The following CDC14A variants were observed in gnomAD, a reference collection of about 807,000 sequenced individuals.
The protein encoded by CDC14A is dual specificity protein phosphatase CDC14A.
In CDC14A, 53 loss-of-function variants were observed where a neutral mutation model predicts 74.4. That is an observed-to-expected ratio of 0.71 (90% confidence interval 0.57 to 0.89). The LOEUF is 0.89. CDC14A is among the 40% of genes least tolerant of loss of function. The pLI, the probability that CDC14A is intolerant of heterozygous loss-of-function variation, is 0.00. For synonymous variants in CDC14A, 247 were observed against 258.4 expected, an observed-to-expected ratio of 0.96 and a Z score of 0.43; for missense variants, 646 against 713.7, an observed-to-expected ratio of 0.91 and a Z score of 1.08.
At chr1:100,507,520 G>A (rs564839395) in intron 15 of CDC14A, among the ~76,000 whole-genome samples, 2 of 151,216 alleles carry the variant, frequency 1.3e-5, no homozygotes, top group Admixed American at 6.6e-5. Flanking sequence ...GGTTGGTCTC[G>A]AATTCCTGGC....
intron 11 of CDC14A, among the ~76,000 whole-genome samples, chr1:100,486,170 C>T (rs922697669): frequency 2.6e-5 from 4 of 152,158 alleles, no homozygotes; most frequent in African/African-American, 4.8e-5. Flanking sequence ...TCTGAAAAGA[C>T]AAACATAAAG....
At chr1:100,450,415 T>C (rs979320297) in intron 7 of CDC14A, among the ~76,000 whole-genome samples, 3 of 152,200 alleles carry the variant, frequency 2.0e-5, no homozygotes, top group Admixed American at 2.0e-4. Context: ...ATTATGGAAC[T>C]GGAAATAATG....
chr1:100,499,372 C>G lies in CDC14A; in HGVS notation c.1755+110C>G, dbSNP rs188557928. ...AAGAAATTTAATAGTGCCAAGGAAG[C>G]CTTCTGAGCGATGCCTTCCCTCTGT... On this transcript the variant is annotated intron_variant, in intron 15 of 15. Transcript: ENST00000336454. 2.3e-4 allele frequency: 373 copies of G among 1,609,034 alleles called. 3 individuals carry two copies. The East Asian group carries it at 7.8e-3, about 34-fold the overall frequency.
chr1:100,352,610 A>C lies in CDC14A; in HGVS notation c.-345A>C. 1 of 1,148,184 alleles carries C rather than the reference A, an allele frequency of 8.7e-7. No individual in the cohort carries two copies. Among genetic ancestry groups the C allele is most frequent in the Non-Finnish European group, 1.1e-6 (1 of 932,180 alleles). The allele number at this position is 1,148,184 out of a possible 1,614,324, so 71.1% of individuals were successfully genotyped here. A position where few individuals can be genotyped will look rare whatever the true frequency, so the allele number is the denominator to read the frequency against. ...GTCTCCTCCTCCATGATCACTTTGG[A>C]AGCCGGGGGAAGACTTTGCCCTGCC... On this transcript the variant is annotated 5_prime_UTR_variant, in exon 1 of 16. Coordinates refer to ENST00000336454, the MANE Select transcript of CDC14A (RefSeq NM_003672.4).
intron 2 of CDC14A, among the ~76,000 whole-genome samples, chr1:100,361,024 G>A (rs1652679462): frequency 6.6e-6 from 1 of 151,276 alleles, no homozygotes; most frequent in South Asian, 2.1e-4. Context: ...GTTCTCATTT[G>A]TAAGTTCATA....
At chr1:100,444,042 G>A (rs990870931) in intron 7 of CDC14A, among the ~76,000 whole-genome samples, 27 of 152,176 alleles carry the variant, frequency 1.8e-4, no homozygotes, top group Non-Finnish European at 4.0e-4. Context: ...CTGTTTCCAT[G>A]TTAAATGCAA....
intron 4 of CDC14A, among the ~76,000 whole-genome samples, chr1:100,405,688 G>A (rs1021228525): frequency 5.9e-5 from 9 of 152,182 alleles, no homozygotes; most frequent in African/African-American, 2.2e-4. Context: ...CTCCATTTAT[G>A]TCCCTGCAAA....
intron 3 of CDC14A, among the ~76,000 whole-genome samples, chr1:100,389,592 A>G (rs1164646017): frequency 6.6e-6 from 1 of 152,032 alleles, no homozygotes; most frequent in African/African-American, 2.4e-5. Flanking sequence ...AGAGTGTTGC[A>G]GTTTCATCTT....
intron 7 of CDC14A, among the ~76,000 whole-genome samples, chr1:100,451,396 C>T (rs1324318543): frequency 6.6e-6 from 1 of 152,224 alleles, no homozygotes; most frequent in Non-Finnish European, 1.5e-5. Context: ...TGCTCCACCA[C>T]ACCGTCTCCC....
At chr1:100,354,189 A>G (rs1651560247) in intron 2 of CDC14A, among the ~76,000 whole-genome samples, 1 of 152,170 alleles carries the variant, frequency 6.6e-6, no homozygotes, top group Admixed American at 6.5e-5. Flanking sequence ...ATCAGTCACT[A>G]AGTATTTATG....
At chr1:100,440,427 A>G (rs1333977661) in intron 6 of CDC14A, among the ~76,000 whole-genome samples, 3 of 151,872 alleles carry the variant, frequency 2.0e-5, no homozygotes, top group Non-Finnish European at 4.4e-5. Context: ...TATTTGAACA[A>G]CCTCTCCAGG....
Position 100,519,854 on chromosome 1 carries a change from G to A in CDC14A, c.*1574G>A, listed in dbSNP as rs993075583. 2 of 152,326 alleles carry A rather than the reference G, an allele frequency of 1.3e-5. No homozygotes were observed. The highest frequency in any genetic ancestry group is 4.8e-5 in the African/African-American group (2 of 41,450). 9.4% of individuals were successfully genotyped at this position (152,326 alleles called of 1,614,324 possible). A position where few individuals can be genotyped will look rare whatever the true frequency, so the allele number is the denominator to read the frequency against. ...GAGTTATTATAAAAATTGGTTAATT[G>A]TATAGGAAGATGACAGTATTTTTTT... On this transcript the variant is annotated 3_prime_UTR_variant, in exon 16 of 16. Transcript: ENST00000336454.
chr1:100,434,049 CAAAAT>C (rs1190656196), intron 5 of CDC14A, among the ~76,000 whole-genome samples: 1 of 152,110 alleles, frequency 6.6e-6, no homozygotes, highest in Non-Finnish European at 1.5e-5. Flanking sequence ...ACACTAAACA[CAAAAT>C]AAACAACAAG....
At chr1:100,406,881 G>A (rs528721463) in intron 4 of CDC14A, among the ~76,000 whole-genome samples, 8 of 151,434 alleles carry the variant, frequency 5.3e-5, no homozygotes, top group East Asian at 2.0e-4. Context: ...AGCTGAGATC[G>A]TGCCATTGGA....
intron 15 of CDC14A, among the ~76,000 whole-genome samples, chr1:100,511,585 C>T (rs1305741447): frequency 6.6e-6 from 1 of 152,204 alleles, no homozygotes; most frequent in Non-Finnish European, 1.5e-5. Context: ...TTGCCAGCTC[C>T]TCTTTGGTTT....
intron 8 of CDC14A, among the ~76,000 whole-genome samples, chr1:100,458,606 C>T (rs1666964403): frequency 6.6e-6 from 1 of 151,806 alleles, no homozygotes; most frequent in Non-Finnish European, 1.5e-5. Flanking sequence ...AGTACTTTAA[C>T]TTTGTAAATG....
At chr1:100,374,973 G>A (rs1292172491) in intron 2 of CDC14A, among the ~76,000 whole-genome samples, 1 of 152,188 alleles carries the variant, frequency 6.6e-6, no homozygotes, top group African/African-American at 2.4e-5. Context: ...GACTTACATT[G>A]TAGTTGATTA....
intron 7 of CDC14A, among the ~76,000 whole-genome samples, chr1:100,450,061 T>C (rs1665977111): frequency 6.6e-6 from 1 of 152,180 alleles, no homozygotes; most frequent in African/African-American, 2.4e-5. Context: ...TTGCTAGATG[T>C]TTTAATCTAA....
intron 13 of CDC14A, 66 bp downstream of exon 13, chr1:100,496,115 C>A: frequency 7.2e-7 from 1 of 1,385,956 alleles, no homozygotes. Flanking sequence ...CCATGTTTCC[C>A]AAGCCTCAAA....
Sources: allele counts gnomAD v4.1 joint callset (sites outside exome capture counted in the v4.1 genomes callset), GRCh38; gene constraint gnomAD v4.1.1; transcripts MANE v1.5; gene names NCBI Gene and HGNC (gene_info 2026-07-23, HGNC 2026-07-21).